ISOC1: variants seen among roughly 807,000 people sequenced by gnomAD.
ISOC1 encodes isochorismatase domain-containing protein 1.
ISOC1 carries 33 observed loss-of-function variants against 30.0 expected under a neutral mutation model. The ratio of observed to expected loss-of-function variants is 1.10; its 90% confidence interval spans 0.83 to 1.47. ISOC1 has a LOEUF of 1.47. Among genes scored for constraint, ISOC1 ranks in the 40% most tolerant of loss-of-function variants. ISOC1 has a pLI of 0.00. For synonymous variants in ISOC1, 178 were observed against 159.8 expected (o/e 1.11, Z -0.86); for missense variants, 372 against 388.0 (o/e 0.96, Z 0.35).
At chr5:129,101,192 A>AAAAAAAATATAT (rs1554064627) in intron 1 of ISOC1, among the ~76,000 whole-genome samples, 14 of 42,222 alleles carry the variant, frequency 3.3e-4, no homozygotes, top group Non-Finnish European at 4.3e-4. Flanking sequence ...AAAAAAAAAA[A>AAAAAAAATATAT]ATATATATAT....
intron 3 of ISOC1, 134 bp downstream of exon 3, chr5:129,105,522 A>T: frequency 1.4e-6 from 1 of 722,488 alleles, no homozygotes; most frequent in Non-Finnish European, 2.3e-6. Context: ...TATTATGTTC[A>T]CTATTTGCAT....
chr5:129,105,069 G>A lies in ISOC1; in HGVS notation c.423G>A (p.Gln141=). 6.2e-7 allele frequency: 1 copy of A among 1,613,840 alleles called. No individual in the cohort carries two copies. The highest frequency in any genetic ancestry group is 1.1e-5 in the South Asian group (1 of 91,072). ...KYFGDIISVG[Q]RLLQGARILG... Reference sequence around the variant, plus strand: ...TTGGGGATATTATTAGCGTGGGACAGAGATTGGTATGCTTGTTTACTTATT... The same window carrying A: ...TTGGGGATATTATTAGCGTGGGACAAAGATTGGTATGCTTGTTTACTTATT... The change falls in exon 2 of 5, where the codon CAG becomes CAA. Residue 141 remains glutamine, a synonymous_variant. Coordinates refer to ENST00000173527, the MANE Select transcript of ISOC1 (RefSeq NM_016048.2).
At chr5:129,099,902 A>T (rs1425560476) in intron 1 of ISOC1, among the ~76,000 whole-genome samples, 1 of 152,186 alleles carries the variant, frequency 6.6e-6, no homozygotes, top group African/African-American at 2.4e-5. Flanking sequence ...GCATATGGAG[A>T]TATTTACCTA....
intron 1 of ISOC1, among the ~76,000 whole-genome samples, chr5:129,102,663 TAA>T (rs915793894): frequency 4.8e-4 from 73 of 152,350 alleles, no homozygotes; most frequent in African/African-American, 1.7e-3. Flanking sequence ...TCCTAATTTA[TAA>T]GTTAGAACAG....
Position 129,094,937 on chromosome 5 carries a change from G to C in ISOC1, c.171G>C (p.Leu57=). The C allele has an allele frequency of 6.2e-7, 1 of 1,612,288 alleles. No homozygotes were observed. Among genetic ancestry groups the C allele is most frequent in the Non-Finnish European group, 8.5e-7 (1 of 1,179,846 alleles). Residue 57 remains leucine (L), a synonymous_variant, in exon 1 of 5, where the codon CTG becomes CTC. Coordinates refer to ENST00000173527, the MANE Select transcript of ISOC1 (RefSeq NM_016048.2). ...YELLIQKFLS[L]YGDQIDMHRK... ...TGCTCATCCAGAAGTTCCTCAGCCT[G>C]TACGGCGACCAGATCGACATGCACC...
Position 129,094,775 on chromosome 5 carries a change from T to A in ISOC1, c.9T>A (p.Ala3=), listed in dbSNP as rs1338561073. ...CAGACGCTCGGGGGAACATGGCGGCTGCGGAGCCGGCGGTCCTTGCGCTCC... is the reference window on the plus strand; with the variant it reads ...CAGACGCTCGGGGGAACATGGCGGCAGCGGAGCCGGCGGTCCTTGCGCTCC... The part of the protein sequence containing the change: MA[A]AEPAVLALPN... Residue 3 remains alanine, a synonymous_variant, in exon 1 of 5, where the codon GCT becomes GCA. Coordinates refer to ENST00000173527, the MANE Select transcript of ISOC1 (RefSeq NM_016048.2). 1.3e-6 allele frequency: 2 copies of A among 1,502,154 alleles called. No individual in the cohort carries two copies. Among genetic ancestry groups the A allele is most frequent in the Admixed American group, 2.1e-5 (1 of 47,242 alleles). 93.1% of individuals were successfully genotyped at this position (1,502,154 alleles called of 1,614,324 possible).
chr5:129,101,951 G>C (rs1051938670), intron 1 of ISOC1, among the ~76,000 whole-genome samples: 1 of 152,170 alleles, frequency 6.6e-6, no homozygotes, highest in Admixed American at 6.5e-5. Context: ...TTGGATCGGG[G>C]TTGTGAAATT....
intron 1 of ISOC1, among the ~76,000 whole-genome samples, chr5:129,099,962 A>C (rs1476295109): frequency 3.3e-5 from 5 of 152,192 alleles, no homozygotes; most frequent in African/African-American, 1.2e-4. Context: ...TCAGATTCTA[A>C]TGCCTACTGA....
Position 129,113,726 on chromosome 5 carries a change from C to T in ISOC1, c.*725C>T, listed in dbSNP as rs1753739942. The T allele has an allele frequency of 6.6e-6, 1 of 152,140 alleles. No individual in the cohort carries two copies. Among genetic ancestry groups the T allele is most frequent in the Non-Finnish European group, 1.5e-5 (1 of 68,026 alleles). The allele number at this position is 152,140 out of a possible 1,614,324, so 9.4% of individuals were successfully genotyped here. The stretch of plus-strand genomic sequence containing the variant: ...TTTAACATCTTTGAAGTATGGCTTG[C>T]TGAATATCTTTACCAACATCTTGAA... On this transcript the variant is annotated 3_prime_UTR_variant, in exon 5 of 5. Coordinates refer to ENST00000173527, the MANE Select transcript of ISOC1 (RefSeq NM_016048.2).
chr5:129,111,565 A>G (rs1396520210), intron 4 of ISOC1, among the ~76,000 whole-genome samples: 5 of 152,184 alleles, frequency 3.3e-5, no homozygotes, highest in Non-Finnish European at 5.9e-5. Context: ...ATTGTTTCCA[A>G]CCACTTCCTC....
Position 129,105,261 on chromosome 5 carries a change from A to C in ISOC1, c.506A>C (p.Gln169Pro), listed in dbSNP as rs377397435. The change falls in exon 3 of 5, where the codon CAA becomes CCA. Residue 169 changes from glutamine (Q) to proline (P), a missense_variant. By Grantham distance (76) the Gln-to-Pro change is moderately conservative. Coordinates refer to ENST00000173527, the MANE Select transcript of ISOC1 (RefSeq NM_016048.2). ...CCTAAAGGTCTTGGGAGCACGGTTC[A>C]AGAAATTGATTTAACAGGTGTAAAA... Reference protein sequence around the residue: ...QYPKGLGSTVQEIDLTGVKLV... With the variant: ...QYPKGLGSTVPEIDLTGVKLV... 1 of 1,613,906 alleles carries C rather than the reference A, an allele frequency of 6.2e-7. No individual in the cohort carries two copies. Among genetic ancestry groups the C allele is most frequent in the Admixed American group, 1.7e-5 (1 of 59,996 alleles).
intron 1 of ISOC1, among the ~76,000 whole-genome samples, chr5:129,101,902 T>C (rs1255572725): frequency 6.6e-6 from 1 of 152,240 alleles, no homozygotes; most frequent in East Asian, 1.9e-4. Flanking sequence ...TTTGGTAGAA[T>C]GTCCCTCAAT....
At chr5:129,097,078 T>TTTAA (rs1459623026) in intron 1 of ISOC1, among the ~76,000 whole-genome samples, 6 of 151,704 alleles carry the variant, frequency 4.0e-5, no homozygotes, top group Admixed American at 2.6e-4. Context: ...TTTGGTGAGG[T>TTTAA]TTAAAATAAC....
chr5:129,111,611 C>T (rs574345120), intron 4 of ISOC1, among the ~76,000 whole-genome samples: 1 of 152,202 alleles, frequency 6.6e-6, no homozygotes, highest in South Asian at 2.1e-4. Flanking sequence ...TTTGTGATAA[C>T]AGTTTGTGTC....
chr5:129,109,298 C>G (rs765814968), intron 4 of ISOC1, among the ~76,000 whole-genome samples: 3 of 152,090 alleles, frequency 2.0e-5, no homozygotes, highest in Admixed American at 1.3e-4. Context: ...ATCTCTATGC[C>G]TCAGATTTCT....
Position 129,094,783 on chromosome 5 carries a change from C to A in ISOC1, c.17C>A (p.Pro6Gln), listed in dbSNP as rs775483007. 2.0e-6 allele frequency: 3 copies of A among 1,508,970 alleles called. No individual in the cohort carries two copies. Among genetic ancestry groups the A allele is most frequent in the African/African-American group, 2.9e-5 (2 of 70,028 alleles). The allele number at this position is 1,508,970 out of a possible 1,614,324, so 93.5% of individuals were successfully genotyped here. A position where few individuals can be genotyped will look rare whatever the true frequency, so the allele number is the denominator to read the frequency against. MAAAEPAVLALPNSGA... is the reference protein window; with the variant it reads MAAAEQAVLALPNSGA... The stretch of plus-strand genomic sequence containing the variant: ...CGGGGGAACATGGCGGCTGCGGAGC[C>A]GGCGGTCCTTGCGCTCCCCAACAGC... Residue 6 changes from proline (P) to glutamine (Q), a missense_variant, in exon 1 of 5, where the codon CCG (proline) becomes CAG (glutamine). Physicochemically the swap from Pro to Gln is moderately conservative, Grantham distance 76. Transcript: ENST00000173527.
chr5:129,103,213 G>T lies in ISOC1; in HGVS notation c.310-1743G>T, dbSNP rs376425279. On this transcript the variant is annotated intron_variant, in intron 1 of 4. Coordinates refer to ENST00000173527, the MANE Select transcript of ISOC1 (RefSeq NM_016048.2). ...TGAGTCAATATTTGATGTTTACAGA[G>T]AATTTAGTGATTGGTTTTTAAAATA... Among the ~76,000 whole-genome samples the T allele has an allele frequency of 2.2e-4, 34 of 152,232 alleles. 1 individual carries two copies. Among genetic ancestry groups the T allele is most frequent in the African/African-American group, 7.9e-4 (33 of 41,554 alleles).
In ISOC1 at chr5:129,105,267, T is replaced by C; in HGVS notation, c.512T>C (p.Ile171Thr). Residue 171 changes from isoleucine (I) to threonine (T), a missense_variant, in exon 3 of 5, where the codon ATT (isoleucine) becomes ACT (threonine). Transcript: ENST00000173527. ...PKGLGSTVQE[I>T]DLTGVKLVLP... ...GGTCTTGGGAGCACGGTTCAAGAAA[T>C]TGATTTAACAGGTGTAAAACTGGTA... The C allele has an allele frequency of 6.2e-7, 1 of 1,613,904 alleles. No homozygotes were observed. The highest frequency in any genetic ancestry group is 8.5e-7 in the Non-Finnish European group (1 of 1,179,882).
chr5:129,095,016 C>A lies in ISOC1; in HGVS notation c.250C>A (p.Pro84Thr), dbSNP rs1280087755. The A allele has an allele frequency of 6.2e-7, 1 of 1,604,388 alleles. No homozygotes were observed. Among genetic ancestry groups the A allele is most frequent in the Non-Finnish European group, 8.5e-7 (1 of 1,177,512 alleles). ...GGAGTGGGGCCAGTACGTGGACTTGCCCAAGGGCTTCGCGGTGAGCGAGCG... is the reference window on the plus strand; with the variant it reads ...GGAGTGGGGCCAGTACGTGGACTTGACCAAGGGCTTCGCGGTGAGCGAGCG... ...AEEWGQYVDL[P>T]KGFAVSERCK... The change falls in exon 1 of 5, where the codon CCC (proline) becomes ACC (threonine). Residue 84 changes from proline to threonine, a missense_variant. Physicochemically the swap from Pro to Thr is conservative, Grantham distance 38. Transcript: ENST00000173527.
Sources: allele counts gnomAD v4.1 joint callset (sites outside exome capture counted in the v4.1 genomes callset), GRCh38; gene constraint gnomAD v4.1.1; transcripts MANE v1.5; gene names NCBI Gene and HGNC (gene_info 2026-07-23, HGNC 2026-07-21).